Variants in RHAG observed in about 807,000 individuals in gnomAD.
RHAG encodes ammonium transporter Rh type A.
Under a neutral mutation model 42.4 loss-of-function variants are expected in RHAG, and 25 were observed. The observed-to-expected ratio is 0.59, with a 90% CI of 0.43 to 0.82. The LOEUF (loss-of-function observed/expected upper bound fraction) is 0.82, where lower values mean the gene tolerates loss of function less well. RHAG is among the 40% of genes least tolerant of loss of function. RHAG has a pLI of 0.00. For missense variants in RHAG, 483 were observed against 504.6 expected (o/e 0.96, Z 0.41); for synonymous variants, 182 against 177.7 (o/e 1.02, Z -0.19).
chr6:49,619,416 C>A lies in RHAG; in HGVS notation c.158-54G>T, dbSNP rs1012654640. On this transcript the variant is annotated intron_variant, in intron 1 of 9. Coordinates refer to ENST00000371175, the MANE Select transcript of RHAG (RefSeq NM_000324.3). ...GCATTATGAGAGCATGAAGAAAGTA[C>A]TGCATCATAGTATACCCCACTTATT... The A allele has an allele frequency of 4.1e-5, 62 of 1,498,738 alleles. No individual in the cohort carries two copies. The East Asian group carries it at 1.4e-3, about 34-fold the overall frequency. The allele number at this position is 1,498,738 out of a possible 1,614,324, so 92.8% of individuals were successfully genotyped here.
chr6:49,605,692 C>A lies in RHAG; in HGVS notation c.*121G>T. The A allele has an allele frequency of 1.0e-6, 1 of 954,252 alleles. No individual in the cohort carries two copies. Among genetic ancestry groups the A allele is most frequent in the East Asian group, 2.4e-5 (1 of 41,684 alleles). 59.1% of individuals were successfully genotyped at this position (954,252 alleles called of 1,614,324 possible). On this transcript the variant is annotated 3_prime_UTR_variant, in exon 10 of 10. Transcript: ENST00000371175. ...GGTCCATACTCTCTTTGGTTACTCC[C>A]TTTTTGTTTATTTGGACTTGATTCT...
Position 49,606,891 on chromosome 6 carries a change from T to C in RHAG, c.1169A>G (p.Gln390Arg). ...ATCATAGCAGTTCTGGTCAGATGGC[T>C]GTCCCCAGAGAGGCAACTTTAGAAT... The part of the protein sequence containing the change: ...GLILKLPLWG[Q>R]PSDQNCYDDS... The change falls in exon 9 of 10, where the codon CAG becomes CGG. Residue 390 changes from glutamine (Q) to arginine (R), a missense_variant. Coordinates refer to ENST00000371175, the MANE Select transcript of RHAG (RefSeq NM_000324.3). The C allele has an allele frequency of 6.2e-7, 1 of 1,612,518 alleles. No homozygotes were observed. The highest frequency in any genetic ancestry group is 8.5e-7 in the Non-Finnish European group (1 of 1,178,608).
chr6:49,626,386 C>T (rs1444572448), intron 1 of RHAG, among the ~76,000 whole-genome samples: 1 of 152,204 alleles, frequency 6.6e-6, no homozygotes, highest in Non-Finnish European at 1.5e-5. Context: ...GCCTGAAATC[C>T]AATGGGCAGT....
intron 9 of RHAG, among the ~76,000 whole-genome samples, chr6:49,606,355 T>A (rs1238405679): frequency 6.6e-6 from 1 of 152,154 alleles, no homozygotes; most frequent in East Asian, 1.9e-4. Flanking sequence ...TCATATTATT[T>A]TTACGAATAG....
At chr6:49,615,868 C>T in intron 3 of RHAG, 97 bp from the exon 4 acceptor site, 1 of 1,272,696 alleles carries the variant, frequency 7.9e-7, no homozygotes, top group Non-Finnish European at 1.1e-6. Flanking sequence ...GGTTAAACAA[C>T]TTAAAAAAAT....
chr6:49,615,628 C>G lies in RHAG; in HGVS notation c.636G>C (p.Met212Ile), dbSNP rs1433315755. Reference sequence around the variant, plus strand: ...AGCAAGTTTATCCACACTCACCAATCATTGCAAACAAGTCTGAGTAGTATG... The same window carrying G: ...AGCAAGTTTATCCACACTCACCAATGATTGCAAACAAGTCTGAGTAGTATG... Reference protein sequence around the residue: ...ESAYYSDLFAMIGTLFLWMFW... With the variant: ...ESAYYSDLFAIIGTLFLWMFW... Residue 212 changes from methionine (M) to isoleucine (I), a missense_variant, in exon 4 of 10, where the codon ATG becomes ATC. Physicochemically the swap from Met to Ile is conservative, Grantham distance 10. Transcript: ENST00000371175. 4 of 1,613,954 alleles carry G rather than the reference C, an allele frequency of 2.5e-6. No individual in the cohort carries two copies. Among genetic ancestry groups the G allele is most frequent in the Non-Finnish European group, 3.4e-6 (4 of 1,179,992 alleles).
intron 1 of RHAG, among the ~76,000 whole-genome samples, chr6:49,631,580 A>AC (rs1762937393): frequency 6.6e-6 from 1 of 152,064 alleles, no homozygotes; most frequent in Non-Finnish European, 1.5e-5. Flanking sequence ...TGTCCTTTTC[A>AC]CATGGCCCTG....
At chr6:49,618,995 G>A (rs1762704653) in intron 2 of RHAG, among the ~76,000 whole-genome samples, 184 bp downstream of exon 2, 1 of 152,098 alleles carries the variant, frequency 6.6e-6, no homozygotes, top group Non-Finnish European at 1.5e-5. Flanking sequence ...CACAGTGGAA[G>A]GGGTCAGGAG....
At chr6:49,606,769 G>T in intron 9 of RHAG, 79 bp downstream of exon 9, 1 of 974,154 alleles carries the variant, frequency 1.0e-6, no homozygotes, top group Non-Finnish European at 1.7e-6. Context: ...TATGCACACA[G>T]ATATCTAGGC....
At chr6:49,612,652 G>A in intron 5 of RHAG, 118 bp from the exon 6 acceptor site, 1 of 1,203,004 alleles carries the variant, frequency 8.3e-7, no homozygotes, top group Non-Finnish European at 1.2e-6. Flanking sequence ...AGGGCTATTG[G>A]TTCTTTTTTA....
In RHAG at chr6:49,606,895, C is replaced by G. The variant is rs553258732; in HGVS notation, c.1165G>C (p.Gly389Arg). ...TGLILKLPLW[G>R]QPSDQNCYDD... ...TAGCAGTTCTGGTCAGATGGCTGTC[C>G]CCAGAGAGGCAACTTTAGAATTAAA... Residue 389 changes from glycine (G) to arginine (R), a missense_variant, in exon 9 of 10, where the codon GGA becomes CGA. Coordinates refer to ENST00000371175, the MANE Select transcript of RHAG (RefSeq NM_000324.3). The G allele has an allele frequency of 7.7e-5, 124 of 1,612,028 alleles. 1 individual carries two copies. The South Asian group carries it at 1.2e-3, about 16-fold the overall frequency.
chr6:49,625,255 C>T (rs1762827216), intron 1 of RHAG, among the ~76,000 whole-genome samples: 1 of 152,188 alleles, frequency 6.6e-6, no homozygotes, highest in East Asian at 1.9e-4. Context: ...AACAATGCTG[C>T]CTATAGAATG....
At chr6:49,620,215 G>A (rs965742777) in intron 1 of RHAG, among the ~76,000 whole-genome samples, 3 of 152,138 alleles carry the variant, frequency 2.0e-5, no homozygotes, top group Non-Finnish European at 2.9e-5. Context: ...GAGCTTCAGT[G>A]TTTTCATCTG....
chr6:49,624,696 T>G (rs1000392416), intron 1 of RHAG, among the ~76,000 whole-genome samples: 2 of 152,240 alleles, frequency 1.3e-5, no homozygotes, highest in Non-Finnish European at 2.9e-5. Context: ...TACCTCCTCA[T>G]GTCTCCAGTA....
At chr6:49,605,909 T>G in intron 9 of RHAG, 79 bp from the exon 10 acceptor site, 1 of 1,151,088 alleles carries the variant, frequency 8.7e-7, no homozygotes, top group Non-Finnish European at 1.3e-6. Context: ...AACAAAAATA[T>G]TTTTGGTAAT....
At chr6:49,623,819 C>T (rs772063601) in intron 1 of RHAG, among the ~76,000 whole-genome samples, 39 of 152,132 alleles carry the variant, frequency 2.6e-4, no homozygotes, top group Non-Finnish European at 4.3e-4. Context: ...TCATAGTAAG[C>T]GGTGTAAAAC....
Position 49,614,758 on chromosome 6 carries a change from AG to A in RHAG, c.735del (p.Ser246LeufsTer15). ...KQCRAIVNTY[F>X]SLAACVLTAF... is the part of the protein sequence containing the mutation. ...GCTGTGAGCACACAGGCAGCGAGAG[AG>A]AAGTACGTGTTTACAATGGCCCTGC... On this transcript the variant is annotated frameshift_variant, in exon 5 of 10. Transcript: ENST00000371175. LOFTEE classifies it high-confidence loss of function. The A allele has an allele frequency of 6.2e-7, 1 of 1,614,102 alleles. No individual in the cohort carries two copies.
intron 1 of RHAG, among the ~76,000 whole-genome samples, 175 bp downstream of exon 1, chr6:49,636,481 C>T (rs910403440): frequency 6.6e-6 from 1 of 152,070 alleles, no homozygotes; most frequent in Non-Finnish European, 1.5e-5. Context: ...AACCAAGCAC[C>T]TTAATCACAG....
intron 3 of RHAG, among the ~76,000 whole-genome samples, chr6:49,616,354 CAAAA>C (rs34416373): frequency 9.2e-6 from 1 of 108,792 alleles, no homozygotes; most frequent in South Asian, 3.1e-4. Context: ...AATCTCAAAC[CAAAA>C]AAAAAAAAAA....
Sources: allele counts gnomAD v4.1 joint callset (sites outside exome capture counted in the v4.1 genomes callset), GRCh38; gene constraint gnomAD v4.1.1; transcripts MANE v1.5; gene names NCBI Gene and HGNC (gene_info 2026-07-23, HGNC 2026-07-21).